CTNNA3: variants seen among roughly 807,000 people sequenced by gnomAD.
The protein encoded by CTNNA3 is catenin alpha 3.
In CTNNA3, 76 loss-of-function variants were observed where a neutral mutation model predicts 95.7. The ratio of observed to expected loss-of-function variants is 0.79; its 90% CI spans 0.66 to 0.96. The LOEUF is 0.96. Ranked by LOEUF, CTNNA3 falls within the 40% of genes least tolerant of loss-of-function variation. The pLI, the probability that CTNNA3 is intolerant of heterozygous loss-of-function variation, is 0.00. For missense variants in CTNNA3, 1,191 were observed against 1,089.8 expected (o/e 1.09, Z -1.31); for synonymous variants, 431 against 374.4 (o/e 1.15, Z -1.74).
intron 2 of CTNNA3, among the ~76,000 whole-genome samples, chr10:67,608,946 C>T (rs1843364744): frequency 6.6e-6 from 1 of 151,788 alleles, no homozygotes; most frequent in African/African-American, 2.4e-5. Context: ...CAAAATTAGC[C>T]GGGCATGGTG....
chr10:67,047,883 A>G (rs1854850595), intron 7 of CTNNA3, among the ~76,000 whole-genome samples: 1 of 152,088 alleles, frequency 6.6e-6, no homozygotes, highest in South Asian at 2.1e-4. Context: ...AAACAAAAAA[A>G]CAAAACAAAA....
intron 7 of CTNNA3, among the ~76,000 whole-genome samples, chr10:67,130,811 C>T (rs531198760): frequency 6.6e-5 from 10 of 152,124 alleles, no homozygotes; most frequent in Admixed American, 5.2e-4. Flanking sequence ...AGACGATATC[C>T]AACACAGCAC....
At chr10:67,656,034 A>C (rs1403561689) in intron 1 of CTNNA3, among the ~76,000 whole-genome samples, 3 of 152,210 alleles carry the variant, frequency 2.0e-5, no homozygotes, top group Non-Finnish European at 4.4e-5. Flanking sequence ...TCTTGGCTAG[A>C]GTGAAATAAA....
chr10:67,495,736 G>T (rs1456491190), intron 5 of CTNNA3, among the ~76,000 whole-genome samples: 1 of 152,054 alleles, frequency 6.6e-6, no homozygotes, highest in African/African-American at 2.4e-5. Flanking sequence ...TTATTACTTA[G>T]GCCTGATTTG....
At chr10:67,589,105 T>A (rs1179330146) in intron 3 of CTNNA3, among the ~76,000 whole-genome samples, 1 of 152,126 alleles carries the variant, frequency 6.6e-6, no homozygotes, top group Non-Finnish European at 1.5e-5. Context: ...ACAGATAGTA[T>A]ACAGATAATA....
At chr10:66,552,189 C>T (rs1391198806) in intron 10 of CTNNA3, among the ~76,000 whole-genome samples, 1 of 152,114 alleles carries the variant, frequency 6.6e-6, no homozygotes, top group African/African-American at 2.4e-5. Flanking sequence ...AGGCATGAGC[C>T]ACCACTCTTG....
At chr10:66,259,242 C>T (rs1311068405) in intron 13 of CTNNA3, among the ~76,000 whole-genome samples, 1 of 152,132 alleles carries the variant, frequency 6.6e-6, no homozygotes, top group East Asian at 1.9e-4. Flanking sequence ...TTTCATGATC[C>T]TCATTCCCTT....
At chr10:67,063,400 AGGGG>A (rs1855878385) in intron 7 of CTNNA3, among the ~76,000 whole-genome samples, 4 of 152,210 alleles carry the variant, frequency 2.6e-5, no homozygotes, top group African/African-American at 9.6e-5. Context: ...TTAAAAAGTT[AGGGG>A]TCTCAATCAG....
At chr10:66,372,558 T>C (rs1008436463) in intron 12 of CTNNA3, among the ~76,000 whole-genome samples, 5 of 152,198 alleles carry the variant, frequency 3.3e-5, no homozygotes, top group Admixed American at 2.6e-4. Flanking sequence ...AACCCATCCT[T>C]CATTTAGCAA....
In CTNNA3 at chr10:66,843,791, T is replaced by C. The variant is rs978605053; in HGVS notation, c.1048-68267A>G. On this transcript the variant is annotated intron_variant, in intron 7 of 17. Transcript: ENST00000433211. ...GTCTTCAGGCAATTTTTTTCATTCC[T>C]TTCTCATTTCATGAATTGTTTTTGG... Among the ~76,000 whole-genome samples, 6 of 152,372 alleles carry C rather than the reference T, an allele frequency of 3.9e-5. No individual in the cohort carries two copies. The East Asian group carries it at 9.6e-4, about 24-fold the overall frequency.
intron 6 of CTNNA3, among the ~76,000 whole-genome samples, chr10:67,213,227 T>C (rs1009453493): frequency 2.6e-5 from 4 of 151,938 alleles, no homozygotes; most frequent in Non-Finnish European, 5.9e-5. Context: ...AATTTGTTTA[T>C]AATATTCTTT....
intron 5 of CTNNA3, among the ~76,000 whole-genome samples, chr10:67,257,624 A>C (rs775083658): frequency 5.9e-5 from 9 of 152,192 alleles, no homozygotes; most frequent in Non-Finnish European, 1.2e-4. Flanking sequence ...AAACGCAAGT[A>C]CAAAGTTCTC....
chr10:67,070,745 C>CA (rs199625404), intron 7 of CTNNA3, among the ~76,000 whole-genome samples: 3,459 of 143,332 alleles, frequency 0.024, 46 homozygotes, highest in African/African-American at 0.033. Flanking sequence ...GACCCCATCT[C>CA]AAAAAAAAAA....
chr10:67,001,452 G>A (rs10997478), intron 7 of CTNNA3, among the ~76,000 whole-genome samples: 1 of 151,768 alleles, frequency 6.6e-6, no homozygotes, highest in Admixed American at 6.6e-5. Context: ...AGACAGGGGT[G>A]GGGGACAGAA....
chr10:66,136,497 C>CT (rs34223799), intron 13 of CTNNA3, among the ~76,000 whole-genome samples: 59,300 of 148,546 alleles, frequency 0.4, 11,706 homozygotes, highest in South Asian at 0.61. Context: ...AATTTCTTCA[C>CT]TTTTTTTTTT....
intron 14 of CTNNA3, among the ~76,000 whole-genome samples, chr10:66,069,752 A>G (rs1279904910): frequency 6.6e-6 from 1 of 152,186 alleles, no homozygotes; most frequent in African/African-American, 2.4e-5. Context: ...AATCCATTTT[A>G]TAAAATAAAT....
intron 13 of CTNNA3, among the ~76,000 whole-genome samples, chr10:66,145,629 C>T (rs2083844573): frequency 6.6e-6 from 1 of 152,144 alleles, no homozygotes; most frequent in Non-Finnish European, 1.5e-5. Context: ...CTGATAACAG[C>T]AGTCATTTTC....
chr10:67,569,157 AC>A (rs1284383121), intron 3 of CTNNA3, among the ~76,000 whole-genome samples: 5 of 152,180 alleles, frequency 3.3e-5, no homozygotes, highest in Non-Finnish European at 7.4e-5. Flanking sequence ...TGCTAAAAAA[AC>A]GTTCAACATG....
At chr10:66,603,726 A>C (rs1844014785) in intron 10 of CTNNA3, among the ~76,000 whole-genome samples, 1 of 152,192 alleles carries the variant, frequency 6.6e-6, no homozygotes. Context: ...TAGCATGAAA[A>C]AAGGCATATA....
Sources: gnomAD v4.1 joint callset for allele counts (sites outside exome capture counted in the v4.1 genomes callset) on GRCh38, gnomAD v4.1.1 for gene constraint, MANE v1.5 for transcripts, NCBI Gene and HGNC (gene_info 2026-07-23, HGNC 2026-07-21) for gene names.